Variants in COG1 observed in about 807,000 individuals in gnomAD.
COG1 encodes component of oligomeric golgi complex 1.
Under a neutral mutation model 102.2 loss-of-function variants are expected in COG1, and 61 were observed. That is an observed-to-expected ratio of 0.60 (90% CI 0.49 to 0.74). The LOEUF is 0.74. COG1 is among the 30% of genes least tolerant of loss of function. The pLI, the probability that COG1 is intolerant of heterozygous loss-of-function variation, is 0.00. For missense variants in COG1, 1,164 were observed against 1,232.1 expected (o/e 0.94, Z 0.83); for synonymous variants, 454 against 493.6 (o/e 0.92, Z 1.06).
Position 73,208,356 on chromosome 17 carries a change from C to T in COG1, c.2848C>T (p.Pro950Ser), listed in dbSNP as rs779987364. 19 of 1,614,056 alleles carry T rather than the reference C, an allele frequency of 1.2e-5. No homozygotes were observed. In the East Asian group the frequency reaches 3.6e-4, roughly 30 times the overall value. The change falls in exon 14 of 14, where the codon CCT becomes TCT. Residue 950 changes from proline (P) to serine (S), a missense_variant. By Grantham distance (74) the Pro-to-Ser change is moderately conservative. Transcript: ENST00000299886. ...CTCCACAGCTGGTGACCCGACAGTT[C>T]CTGGCTCCTTGTTCAGACAGCTTGT... ...ARSTAGDPTV[P>S]GSLFRQLVSE...
chr17:73,199,815 T>C lies in COG1; in HGVS notation c.914-50T>C, dbSNP rs543962326. On this transcript the variant is annotated intron_variant, in intron 4 of 13. Coordinates refer to ENST00000299886, the MANE Select transcript of COG1 (RefSeq NM_018714.3). ...CCTGGCCTAACTCCCTGTTTCAATA[T>C]GCACTTCAAAGGGTGGCCTAGATGG... The C allele has an allele frequency of 2.9e-5, 47 of 1,611,372 alleles. 1 individual carries two copies. The South Asian group carries it at 4.6e-4, about 16-fold the overall frequency.
At position 73,206,217 on chromosome 17, in the gene COG1, G is replaced by A. The variant is rs763693254; in HGVS notation, c.2574G>A (p.Thr858=). ...ATCCATTTGACCTGGACGTTTTCAC[G>A]CCACACCTCAACAGCAACCTTCATC... The part of the protein sequence containing the change: ...LIDPFDLDVF[T]PHLNSNLHRL... Residue 858 remains threonine, a synonymous_variant, in exon 11 of 14, where the codon ACG becomes ACA. Transcript: ENST00000299886. 4.1e-5 allele frequency: 66 copies of A among 1,614,004 alleles called. No individual in the cohort carries two copies. Among genetic ancestry groups the A allele is most frequent in the Non-Finnish European group, 4.5e-5 (53 of 1,180,008 alleles).
At chr17:73,204,713 A>G (rs915619717) in intron 9 of COG1, among the ~76,000 whole-genome samples, 1 of 152,080 alleles carries the variant, frequency 6.6e-6, no homozygotes, top group African/African-American at 2.4e-5. Flanking sequence ...GGCATGCGCC[A>G]GCACACCTAA....
chr17:73,207,853 T>C, intron 13 of COG1: 1 of 1,224,866 alleles, frequency 8.2e-7, no homozygotes, highest in Non-Finnish European at 1.0e-6. Flanking sequence ...GTGTATCCTT[T>C]CCGTATTCCC....
intron 12 of COG1, 89 bp downstream of exon 12, chr17:73,206,906 A>C (rs367963892): frequency 2.1e-6 from 2 of 958,350 alleles, no homozygotes; most frequent in South Asian, 1.3e-5. Flanking sequence ...CCTGGCTAAC[A>C]TGGTGAAACC....
In COG1 at chr17:73,196,685, G is replaced by T. The variant is rs777018719; in HGVS notation, c.494G>T (p.Arg165Leu). 1 of 1,614,152 alleles carries T rather than the reference G, an allele frequency of 6.2e-7. No homozygotes were observed. The highest frequency in any genetic ancestry group is 8.5e-7 in the Non-Finnish European group (1 of 1,180,034). Reference sequence around the variant, plus strand: ...CTCCAGCTGGATTCTTCTAGTTCCCGATACAGTCCCGTCCTCTCCCGGTTT... The same window carrying T: ...CTCCAGCTGGATTCTTCTAGTTCCCTATACAGTCCCGTCCTCTCCCGGTTT... ...SLLQLDSSSS[R>L]YSPVLSRFPI... The change falls in exon 2 of 14, where the codon CGA (arginine) becomes CTA (leucine). Residue 165 changes from arginine (R) to leucine (L), a missense_variant. Transcript: ENST00000299886.
intron 4 of COG1, among the ~76,000 whole-genome samples, chr17:73,198,036 A>C (rs2061332362): frequency 7.3e-6 from 1 of 137,162 alleles, no homozygotes; most frequent in Admixed American, 8.0e-5. Flanking sequence ...ATCGCAACTG[A>C]AATGAAATAA....
chr17:73,208,376 G>T lies in COG1; in HGVS notation c.2868G>T (p.Gln956His). The change falls in exon 14 of 14, where the codon CAG becomes CAT. Residue 956 changes from glutamine (Q) to histidine (H), a missense_variant. Physicochemically the swap from Gln to His is conservative, Grantham distance 24 (BLOSUM62 0). Coordinates refer to ENST00000299886, the MANE Select transcript of COG1 (RefSeq NM_018714.3). ...CAGTTCCTGGCTCCTTGTTCAGACA[G>T]CTTGTCAGTGAAGAAGACAACACGT... Reference protein sequence around the residue: ...DPTVPGSLFRQLVSEEDNTSA... With the variant: ...DPTVPGSLFRHLVSEEDNTSA... The T allele has an allele frequency of 1.2e-6, 2 of 1,614,112 alleles. No homozygotes were observed. Among genetic ancestry groups the T allele is most frequent in the Non-Finnish European group, 1.7e-6 (2 of 1,179,956 alleles).
intron 4 of COG1, 75 bp from the exon 5 acceptor site, chr17:73,199,790 C>A: frequency 1.3e-6 from 2 of 1,581,944 alleles, no homozygotes; most frequent in Non-Finnish European, 1.7e-6. Context: ...CCCAAGCTGG[C>A]CTGGCCTAAC....
intron 1 of COG1, among the ~76,000 whole-genome samples, chr17:73,195,376 G>A (rs192327323): frequency 9.3e-4 from 142 of 152,314 alleles, no homozygotes; most frequent in Non-Finnish European, 1.7e-3. Flanking sequence ...ACTTTGGGAG[G>A]CCAAGGCAGG....
chr17:73,205,027 G>C (rs1599330194), intron 9 of COG1: 1 of 173,780 alleles, frequency 5.8e-6, no homozygotes, highest in East Asian at 1.6e-4. Context: ...GCCGGGTGTG[G>C]TGGCGTACAT....
At position 73,196,673 on chromosome 17, in the gene COG1, C is replaced by T. The variant is rs1324431681; in HGVS notation, c.482C>T (p.Ser161Phe). Residue 161 changes from serine (S) to phenylalanine (F), a missense_variant, in exon 2 of 14, where the codon TCT (serine) becomes TTT (phenylalanine). Coordinates refer to ENST00000299886, the MANE Select transcript of COG1 (RefSeq NM_018714.3). The part of the protein sequence containing the change: ...CHLHSLLQLD[S>F]SSSRYSPVLS... The stretch of plus-strand genomic sequence containing the variant: ...CTCCACAGCCTGCTCCAGCTGGATT[C>T]TTCTAGTTCCCGATACAGTCCCGTC... 1.2e-6 allele frequency: 2 copies of T among 1,614,226 alleles called. No individual in the cohort carries two copies. The highest frequency in any genetic ancestry group is 1.7e-6 in the Non-Finnish European group (2 of 1,180,040).
In COG1 at chr17:73,208,311, C is replaced by T; in HGVS notation, c.2806-3C>T. On this transcript the variant is annotated splice_region_variant and splice_polypyrimidine_tract_variant and intron_variant, in intron 13 of 13. Coordinates refer to ENST00000299886, the MANE Select transcript of COG1 (RefSeq NM_018714.3). ...AGGCACTTTTCTCTACATCCAATGG[C>T]AGGTTGTCCCCCCGGCACGCTCCAC... 4 of 1,613,348 alleles carry T rather than the reference C, an allele frequency of 2.5e-6. No homozygotes were observed. The highest frequency in any genetic ancestry group is 3.4e-6 in the Non-Finnish European group (4 of 1,180,012).
chr17:73,200,419 C>A, intron 5 of COG1, 147 bp from the exon 6 acceptor site: 1 of 859,686 alleles, frequency 1.2e-6, no homozygotes, highest in Non-Finnish European at 2.0e-6. Flanking sequence ...CTCTGTGTTG[C>A]TACAGGTCTA....
At chr17:73,199,482 C>T (rs750540171) in intron 4 of COG1, among the ~76,000 whole-genome samples, 2 of 152,174 alleles carry the variant, frequency 1.3e-5, no homozygotes, top group Non-Finnish European at 2.9e-5. Flanking sequence ...ACACGTGTCC[C>T]GTACTTTCTC....
intron 8 of COG1, 127 bp downstream of exon 8, chr17:73,203,273 G>C: frequency 8.2e-7 from 1 of 1,219,956 alleles, no homozygotes; most frequent in East Asian, 2.5e-5. Context: ...ATTTTCTACT[G>C]TGGGGGCATA....
Position 73,208,505 on chromosome 17 carries a change from A to G in COG1, c.*54A>G, listed in dbSNP as rs1447164434. The G allele has an allele frequency of 1.9e-6, 3 of 1,588,718 alleles. No homozygotes were observed. The highest frequency in any genetic ancestry group is 2.6e-6 in the Non-Finnish European group (3 of 1,160,278). On this transcript the variant is annotated 3_prime_UTR_variant, in exon 14 of 14. Coordinates refer to ENST00000299886, the MANE Select transcript of COG1 (RefSeq NM_018714.3). ...TAAATACTACCACATTATTTCTTCTAAAGGTGCCTCTGCTCATCTGATTCT... is the reference window on the plus strand; with the variant it reads ...TAAATACTACCACATTATTTCTTCTGAAGGTGCCTCTGCTCATCTGATTCT...
At position 73,203,629 on chromosome 17, in the gene COG1, T is replaced by C; in HGVS notation, c.2221-3T>C. ...GCAATGTGACATTTCTTTGTTCTTT[T>C]AGCCGTCCTGGTATGTACAGTCCTT... On this transcript the variant is annotated splice_region_variant and splice_polypyrimidine_tract_variant and intron_variant, in intron 8 of 13. Coordinates refer to ENST00000299886, the MANE Select transcript of COG1 (RefSeq NM_018714.3). 1 of 1,614,256 alleles carries C rather than the reference T, an allele frequency of 6.2e-7. No homozygotes were observed. Among genetic ancestry groups the C allele is most frequent in the Non-Finnish European group, 8.5e-7 (1 of 1,180,040 alleles).
At position 73,201,767 on chromosome 17, in the gene COG1, G is replaced by A; in HGVS notation, c.1940G>A (p.Arg647Lys). The A allele has an allele frequency of 2.5e-6, 4 of 1,614,186 alleles. No homozygotes were observed. Among genetic ancestry groups the A allele is most frequent in the Middle Eastern group, 1.6e-4 (1 of 6,062 alleles). Reference protein sequence around the residue: ...ESSEKPAREFRALRKQGKVKT... With the variant: ...ESSEKPAREFKALRKQGKVKT... The stretch of plus-strand genomic sequence containing the variant: ...TCAGAGAAACCAGCAAGGGAGTTTA[G>A]GGCTCTGAGAAAACAGGGAAAGGTG... The change falls in exon 7 of 14, where the codon AGG (arginine) becomes AAG (lysine). Residue 647 changes from arginine to lysine, a missense_variant. Coordinates refer to ENST00000299886, the MANE Select transcript of COG1 (RefSeq NM_018714.3).
Sources: gnomAD v4.1 joint callset for allele counts (sites outside exome capture counted in the v4.1 genomes callset) on GRCh38, gnomAD v4.1.1 for gene constraint, MANE v1.5 for transcripts, NCBI Gene and HGNC (gene_info 2026-07-23, HGNC 2026-07-21) for gene names.